Variants in SLC4A4 observed in about 807,000 individuals in gnomAD.
SLC4A4 encodes solute carrier family 4 member 4, also known as electrogenic sodium bicarbonate cotransporter 1.
SLC4A4 carries 27 observed loss-of-function variants against 111.5 expected under a neutral mutation model. The observed-to-expected ratio is 0.24, with a 90% CI of 0.18 to 0.33. The LOEUF (loss-of-function observed/expected upper bound fraction) is 0.33, where lower values mean the gene tolerates loss of function less well. Among genes scored for constraint, SLC4A4 ranks in the 10% least tolerant of loss-of-function variants. The probability of loss-of-function intolerance (pLI) is 1.00; values close to 1 mark genes in which losing one functional copy is unlikely to be tolerated. For missense variants in SLC4A4, 909 were observed against 1,315.5 expected, an observed-to-expected ratio of 0.69 and a Z score of 4.78; for synonymous variants, 443 against 463.4, an observed-to-expected ratio of 0.96 and a Z score of 0.57.
chr4:71,125,512 A>T (rs1168643722), intron 2 of SLC4A4, among the ~76,000 whole-genome samples: 2 of 152,226 alleles, frequency 1.3e-5, no homozygotes, highest in Non-Finnish European at 2.9e-5. Flanking sequence ...GTGAGCTGAG[A>T]TCACGCCACA....
chr4:71,149,627 G>T (rs554687202), intron 2 of SLC4A4, among the ~76,000 whole-genome samples: 1 of 152,136 alleles, frequency 6.6e-6, no homozygotes, highest in Admixed American at 6.5e-5. Context: ...ACAAATGTTT[G>T]TTAGGCATCA....
intron 1 of SLC4A4, among the ~76,000 whole-genome samples, chr4:71,208,439 A>ATAT (rs201319521): frequency 0.081 from 11,503 of 141,706 alleles, 883 homozygotes; most frequent in South Asian, 0.2. Flanking sequence ...TCAAAAAAAA[A>ATAT]AAAAATATAT....
chr4:71,095,549 C>T (rs538594357), intron 2 of SLC4A4, among the ~76,000 whole-genome samples: 43 of 152,312 alleles, frequency 2.8e-4, no homozygotes, highest in South Asian at 6.2e-4. Flanking sequence ...TGCTCAACTG[C>T]GCATTGCCTG....
intron 16 of SLC4A4, among the ~76,000 whole-genome samples, chr4:71,531,052 G>A (rs1215586029): frequency 2.0e-5 from 3 of 152,126 alleles, no homozygotes; most frequent in Admixed American, 2.0e-4. Flanking sequence ...ACCAAGAAAA[G>A]TATTGGGAAC....
At chr4:71,545,108 G>C (rs72854417) in intron 18 of SLC4A4, among the ~76,000 whole-genome samples, 4 of 151,996 alleles carry the variant, frequency 2.6e-5, no homozygotes, top group Non-Finnish European at 5.9e-5. Context: ...TTTTATGAAT[G>C]TATATTAACC....
intron 1 of SLC4A4, among the ~76,000 whole-genome samples, chr4:71,235,775 T>C (rs531662472): frequency 6.6e-6 from 1 of 152,286 alleles, no homozygotes; most frequent in South Asian, 2.1e-4. Flanking sequence ...GATCCTATTA[T>C]GTAAGGAGAC....
chr4:71,269,406 G>T (rs544511039), intron 3 of SLC4A4, among the ~76,000 whole-genome samples: 3 of 152,180 alleles, frequency 2.0e-5, no homozygotes, highest in Non-Finnish European at 4.4e-5. Flanking sequence ...CTTTCTGAAG[G>T]GTGTGGGCAG....
chr4:71,357,818 A>G (rs561640938), intron 6 of SLC4A4, among the ~76,000 whole-genome samples: 2 of 152,196 alleles, frequency 1.3e-5, no homozygotes, highest in African/African-American at 4.8e-5. Flanking sequence ...TAGTTTATTG[A>G]TTTACCAGAG....
chr4:71,167,530 G>A (rs923048800), intron 2 of SLC4A4, among the ~76,000 whole-genome samples: 1 of 152,102 alleles, frequency 6.6e-6, no homozygotes, highest in Non-Finnish European at 1.5e-5. Flanking sequence ...ACCCTCTTTG[G>A]GAAATATAAT....
intron 16 of SLC4A4, among the ~76,000 whole-genome samples, chr4:71,505,479 G>C (rs1410343364): frequency 6.6e-6 from 1 of 150,882 alleles, no homozygotes; most frequent in South Asian, 2.1e-4. Flanking sequence ...TCATATGTTT[G>C]CTGGCCACAT....
intron 2 of SLC4A4, among the ~76,000 whole-genome samples, chr4:71,138,024 C>T (rs1223176092): frequency 2.6e-5 from 4 of 152,154 alleles, no homozygotes; most frequent in African/African-American, 9.7e-5. Context: ...AAGAATGCTC[C>T]ATGGCTATAT....
intron 3 of SLC4A4, among the ~76,000 whole-genome samples, chr4:71,270,383 C>A (rs1722622097): frequency 6.6e-6 from 1 of 152,220 alleles, no homozygotes; most frequent in African/African-American, 2.4e-5. Flanking sequence ...AGCCACCGTG[C>A]CCGGCAGAAC....
At chr4:71,192,644 C>G (rs188879449) in intron 1 of SLC4A4, among the ~76,000 whole-genome samples, 253 of 152,252 alleles carry the variant, frequency 1.7e-3, no homozygotes, top group African/African-American at 5.9e-3. Context: ...CTCCCTCCCC[C>G]ACTTTCTCAG....
At chr4:71,391,634 C>G (rs1719281148) in intron 6 of SLC4A4, among the ~76,000 whole-genome samples, 1 of 151,946 alleles carries the variant, frequency 6.6e-6, no homozygotes, top group Non-Finnish European at 1.5e-5. Flanking sequence ...ATGTGATTCT[C>G]CAAAGCTTTC....
intron 3 of SLC4A4, among the ~76,000 whole-genome samples, chr4:71,306,778 T>G (rs1275817059): frequency 1.3e-5 from 2 of 152,196 alleles, no homozygotes; most frequent in Admixed American, 6.5e-5. Flanking sequence ...CTCAGTTACC[T>G]GCAAAAATAG....
chr4:71,234,693 A>G (rs778032790), intron 1 of SLC4A4, among the ~76,000 whole-genome samples: 1 of 152,142 alleles, frequency 6.6e-6, no homozygotes, highest in Non-Finnish European at 1.5e-5. Flanking sequence ...CCGAGGGATT[A>G]CAGGTGCCGG....
chr4:71,434,943 T>C (rs1460072824), intron 7 of SLC4A4, among the ~76,000 whole-genome samples: 1 of 152,106 alleles, frequency 6.6e-6, no homozygotes, highest in Non-Finnish European at 1.5e-5. Context: ...GGAAAAACAT[T>C]CCATGCTCAT....
chr4:71,098,716 G>T (rs537865408), intron 2 of SLC4A4, among the ~76,000 whole-genome samples: 4 of 152,122 alleles, frequency 2.6e-5, no homozygotes, highest in Non-Finnish European at 5.9e-5. Flanking sequence ...TCTTCAAGAG[G>T]CCCATTCCAC....
intron 1 of SLC4A4, among the ~76,000 whole-genome samples, chr4:71,233,932 C>G (rs1285813099): frequency 6.6e-6 from 1 of 152,146 alleles, no homozygotes; most frequent in African/African-American, 2.4e-5. Flanking sequence ...GACTCCTTAC[C>G]CTGGTTTTGT....
Sources: allele counts gnomAD v4.1 joint callset (sites outside exome capture counted in the v4.1 genomes callset), GRCh38; gene constraint gnomAD v4.1.1; transcripts MANE v1.5; gene names NCBI Gene and HGNC (gene_info 2026-07-23, HGNC 2026-07-21).